The following DTX1 variants were observed in gnomAD, a reference collection of about 807,000 sequenced individuals.
DTX1 encodes deltex E3 ubiquitin ligase 1.
DTX1 carries 26 observed loss-of-function variants against 57.8 expected under a neutral mutation model. The ratio of observed to expected loss-of-function variants is 0.45; its 90% CI spans 0.33 to 0.62. The LOEUF is 0.62. Ranked by LOEUF, DTX1 falls within the 20% of genes least tolerant of loss-of-function variation. The pLI, the probability that DTX1 is intolerant of heterozygous loss-of-function variation, is 0.02. For missense variants in DTX1, 704 were observed against 895.3 expected (o/e 0.79, Z 2.73); for synonymous variants, 398 against 394.1 (o/e 1.01, Z -0.12).
At position 113,097,053 on chromosome 12, in the gene DTX1, G is replaced by A. The variant is rs1950310317; in HGVS notation, c.*114G>A. ...GGGCTGGGGAGGAGCCTGCGGAAGGGGCCGCAGCCATTCAGGGGACCTGCC... is the reference window on the plus strand; with the variant it reads ...GGGCTGGGGAGGAGCCTGCGGAAGGAGCCGCAGCCATTCAGGGGACCTGCC... On this transcript the variant is annotated 3_prime_UTR_variant, in exon 10 of 10. Transcript: ENST00000548759. 6.6e-6 allele frequency: 8 copies of A among 1,210,300 alleles called. No homozygotes were observed. Among genetic ancestry groups the A allele is most frequent in the Non-Finnish European group, 9.0e-6 (8 of 890,010 alleles). The allele number at this position is 1,210,300 out of a possible 1,614,324, so 75.0% of individuals were successfully genotyped here.
chr12:113,095,089 G>T lies in DTX1; in HGVS notation c.1434G>T (p.Lys478Asn). The change falls in exon 8 of 10, where the codon AAG becomes AAT. Residue 478 changes from lysine to asparagine, a missense_variant. Around this residue, in one of 3 missense-constraint regions of DTX1, gnomAD observed 168 missense variants for 255.6 expected, o/e 0.66. Transcript: ENST00000548759. Reference protein sequence around the residue: ...CPTCKAIYGEKTGTQPPGKME... With the variant: ...CPTCKAIYGENTGTQPPGKME... ...CCTGCAAGGCCATCTACGGGGAGAA[G>T]ACGGGTACGCAGCCGCCTGGGAAGA... 6.2e-7 allele frequency: 1 copy of T among 1,613,796 alleles called. No homozygotes were observed. Among genetic ancestry groups the T allele is most frequent in the Non-Finnish European group, 8.5e-7 (1 of 1,179,754 alleles).
chr12:113,065,928 G>A (rs1421305992), intron 2 of DTX1, among the ~76,000 whole-genome samples: 3 of 152,218 alleles, frequency 2.0e-5, no homozygotes, highest in Non-Finnish European at 4.4e-5. Context: ...GTGCATGGGG[G>A]TGCCTGGGGT....
At chr12:113,060,649 G>A (rs965960994) in intron 2 of DTX1, among the ~76,000 whole-genome samples, 6 of 152,210 alleles carry the variant, frequency 3.9e-5, no homozygotes, top group African/African-American at 1.4e-4. Flanking sequence ...GGACAGCCAC[G>A]CAAAGAACTT....
At chr12:113,083,633 C>A (rs918408461) in intron 3 of DTX1, among the ~76,000 whole-genome samples, 1 of 152,218 alleles carries the variant, frequency 6.6e-6, no homozygotes, top group Non-Finnish European at 1.5e-5. Context: ...GCCAATTTGC[C>A]AATAATTTTA....
chr12:113,068,556 G>A (rs531516622), intron 2 of DTX1, among the ~76,000 whole-genome samples: 2 of 152,330 alleles, frequency 1.3e-5, no homozygotes, highest in Non-Finnish European at 2.9e-5. Flanking sequence ...AGGCATAACC[G>A]CACACACGGT....
intron 3 of DTX1, among the ~76,000 whole-genome samples, chr12:113,085,379 G>A (rs528562889): frequency 4.5e-4 from 69 of 152,212 alleles, no homozygotes; most frequent in Non-Finnish European, 7.4e-4. Flanking sequence ...ATCCACCCTT[G>A]TCCCTCCCAT....
At chr12:113,085,691 T>A (rs2044851904) in intron 3 of DTX1, among the ~76,000 whole-genome samples, 1 of 152,256 alleles carries the variant, frequency 6.6e-6, no homozygotes, top group African/African-American at 2.4e-5. Flanking sequence ...ATCTGTTTTT[T>A]AATTAATTCA....
At chr12:113,063,056 C>G (rs532516292) in intron 2 of DTX1, among the ~76,000 whole-genome samples, 1 of 152,194 alleles carries the variant, frequency 6.6e-6, no homozygotes, top group African/African-American at 2.4e-5. Flanking sequence ...AGGGATGGGT[C>G]GCTTGCTCGC....
chr12:113,058,699 C>T (rs147740077), intron 2 of DTX1, among the ~76,000 whole-genome samples: 1 of 152,300 alleles, frequency 6.6e-6, no homozygotes, highest in African/African-American at 2.4e-5. Flanking sequence ...TCCTCATCTG[C>T]AAAATGGGTA....
chr12:113,058,367 T>G lies in DTX1; in HGVS notation c.175T>G (p.Ser59Ala), dbSNP rs1592839246. The stretch of plus-strand genomic sequence containing the variant: ...CGTGCTGAAGGAGGACGCTCGCGGT[T>G]CCGTGGTCCTGGGGCAGGTGGACGC... ...ENVLKEDARG[S>A]VVLGQVDAQL... Residue 59 changes from serine to alanine, a missense_variant, in exon 2 of 10, where the codon TCC (serine) becomes GCC (alanine). Transcript: ENST00000548759. 6.2e-7 allele frequency: 1 copy of G among 1,611,880 alleles called. No homozygotes were observed. Among genetic ancestry groups the G allele is most frequent in the South Asian group, 1.1e-5 (1 of 91,074 alleles).
rs562386205 is a variant in DTX1 at position 113,059,067 on chromosome 12, C to T, written c.259+616C>T. On this transcript the variant is annotated intron_variant, in intron 2 of 9. Transcript: ENST00000548759. The stretch of plus-strand genomic sequence containing the variant: ...GTGGTAATTAATTGGGGATGGGGGG[C>T]GTTGGTGGTGTTGATGGTGGGGTGA... Among the ~76,000 whole-genome samples, 7 of 149,040 alleles carry T rather than the reference C, an allele frequency of 4.7e-5. No homozygotes were observed. In the East Asian group the frequency reaches 9.9e-4, roughly 21 times the overall value.
At chr12:113,071,131 G>T (rs557234833) in intron 2 of DTX1, among the ~76,000 whole-genome samples, 47 of 152,232 alleles carry the variant, frequency 3.1e-4, no homozygotes, top group African/African-American at 1.1e-3. Context: ...TCCCATGTTG[G>T]CCTTGGCCTG....
At chr12:113,082,772 A>AT (rs1406833728) in intron 3 of DTX1, among the ~76,000 whole-genome samples, 1 of 151,950 alleles carries the variant, frequency 6.6e-6, no homozygotes, top group African/African-American at 2.4e-5. Flanking sequence ...ATTTTTTAAA[A>AT]TTTTTTGTAG....
intron 2 of DTX1, among the ~76,000 whole-genome samples, chr12:113,069,665 G>A (rs1053379791): frequency 3.9e-5 from 6 of 152,082 alleles, no homozygotes; most frequent in South Asian, 2.1e-4. Flanking sequence ...CAGCCCAGCC[G>A]GTGCCCCCAG....
chr12:113,087,901 G>A (rs898607666), intron 3 of DTX1, among the ~76,000 whole-genome samples: 1 of 152,272 alleles, frequency 6.6e-6, no homozygotes, highest in East Asian at 1.9e-4. Context: ...TCAGTGTTTC[G>A]GGATCCTGGA....
At chr12:113,078,898 G>A (rs985206069) in intron 3 of DTX1, among the ~76,000 whole-genome samples, 7 of 152,110 alleles carry the variant, frequency 4.6e-5, no homozygotes, top group African/African-American at 1.7e-4. Context: ...ACCTGGAATC[G>A]TGGGGGGTGG....
chr12:113,073,343 G>A (rs574876547), intron 2 of DTX1, among the ~76,000 whole-genome samples: 2 of 152,084 alleles, frequency 1.3e-5, no homozygotes, highest in Non-Finnish European at 1.5e-5. Flanking sequence ...ACCTCCTCCC[G>A]GGCCTACTGT....
Position 113,058,095 on chromosome 12 carries a change from GTCCCC to G in DTX1, c.-97_-93del. 6.9e-7 allele frequency: 1 copy of G among 1,448,424 alleles called. No homozygotes were observed. The highest frequency in any genetic ancestry group is 9.1e-7 in the Non-Finnish European group (1 of 1,101,938). The allele number at this position is 1,448,424 out of a possible 1,614,324, so 89.7% of individuals were successfully genotyped here. A position where few individuals can be genotyped will look rare whatever the true frequency, so the allele number is the denominator to read the frequency against. ...GAAAGGAGGCCAGACGGTCCTTGCTGTCCCCCTGGGGAGAGAGGAAGTTGCCGCCT... is the reference window on the plus strand; with the variant it reads ...GAAAGGAGGCCAGACGGTCCTTGCTGCTGGGGAGAGAGGAAGTTGCCGCCT... On this transcript the variant is annotated 5_prime_UTR_variant, in exon 2 of 10. Coordinates refer to ENST00000548759, the MANE Select transcript of DTX1 (RefSeq NM_004416.3).
At chr12:113,089,128 T>G (rs1950227517) in intron 3 of DTX1, among the ~76,000 whole-genome samples, 1 of 152,022 alleles carries the variant, frequency 6.6e-6, no homozygotes, top group East Asian at 1.9e-4. Flanking sequence ...GAAGAGCACC[T>G]TGGGAAAGGG....
Sources: allele counts gnomAD v4.1 joint callset (sites outside exome capture counted in the v4.1 genomes callset), GRCh38; gene constraint gnomAD v4.1.1; regional missense constraint gnomAD v4.1.1; transcripts MANE v1.5; gene names NCBI Gene and HGNC (gene_info 2026-07-23, HGNC 2026-07-21).